Variants in PCDHGA9 observed in about 807,000 individuals in gnomAD.
The protein encoded by PCDHGA9 is protocadherin gamma subfamily A, 9.
Under a neutral mutation model 62.5 loss-of-function variants are expected in PCDHGA9, and 37 were observed. That is an observed-to-expected ratio of 0.59 (90% confidence interval 0.46 to 0.78). PCDHGA9 has a LOEUF of 0.78. Among genes scored for constraint, PCDHGA9 ranks in the 30% least tolerant of loss-of-function variants. The pLI, the probability that PCDHGA9 is intolerant of heterozygous loss-of-function variation, is 0.00. For synonymous variants in PCDHGA9, 459 were observed against 484.6 expected (o/e 0.95, Z 0.69); for missense variants, 1,138 against 1,166.2 (o/e 0.98, Z 0.35).
At position 141,485,396 on chromosome 5, in the gene PCDHGA9, T is replaced by C. The variant is rs1466959644; in HGVS notation, c.2425-9411T>C. 2.5e-6 allele frequency: 4 copies of C among 1,614,042 alleles called. No homozygotes were observed. Among genetic ancestry groups the C allele is most frequent in the Non-Finnish European group, 3.4e-6 (4 of 1,179,960 alleles). On this transcript the variant is annotated intron_variant, in intron 1 of 3. Coordinates refer to ENST00000573521, the MANE Select transcript of PCDHGA9 (RefSeq NM_018921.3). The surrounding 1 kb of genome is among the most constrained non-coding windows in gnomAD (Gnocchi z 5.7). ...CGCTGGAGAGGTGAACCAAAGACAC[T>C]TCCGTGTGGATTTGGACAGCGGAGC...
At chr5:141,433,818 C>A (rs1286718725) in intron 1 of PCDHGA9, among the ~76,000 whole-genome samples, 7 of 133,614 alleles carry the variant, frequency 5.2e-5, no homozygotes, top group African/African-American at 5.8e-5. Flanking sequence ...GCCTGGGCAA[C>A]AAGAGTGAAA....
In PCDHGA9 at chr5:141,486,369, C is replaced by T; in HGVS notation, c.2425-8438C>T. 8 of 1,614,128 alleles carry T rather than the reference C, an allele frequency of 5.0e-6. No homozygotes were observed. The highest frequency in any genetic ancestry group is 6.8e-6 in the Non-Finnish European group (8 of 1,179,996). On this transcript the variant is annotated intron_variant, in intron 1 of 3. Coordinates refer to ENST00000573521, the MANE Select transcript of PCDHGA9 (RefSeq NM_018921.3). The surrounding 1 kb of genome is among the most constrained non-coding windows in gnomAD (Gnocchi z 5.0). ...GACCACTTGCCATTTGCCCTCAAGT[C>T]TGCCTTCAGGAACCAGTTCTCCCTG...
Position 141,404,176 on chromosome 5 carries a change from A to C in PCDHGA9, c.1224A>C (p.Gln408His), listed in dbSNP as rs763166170. Reference protein sequence around the residue: ...EEDYYRLLTAQILDREKASEY... With the variant: ...EEDYYRLLTAHILDREKASEY... ...ATTATTACAGATTGTTGACGGCCCAAATTCTTGACCGAGAAAAAGCCTCAG... is the reference window on the plus strand; with the variant it reads ...ATTATTACAGATTGTTGACGGCCCACATTCTTGACCGAGAAAAAGCCTCAG... Residue 408 changes from glutamine (Q) to histidine (H), a missense_variant, in exon 1 of 4, where the codon CAA becomes CAC. By Grantham distance (24) the Gln-to-His change is conservative. Coordinates refer to ENST00000573521, the MANE Select transcript of PCDHGA9 (RefSeq NM_018921.3). 1.2e-6 allele frequency: 2 copies of C among 1,613,206 alleles called. No individual in the cohort carries two copies. The highest frequency in any genetic ancestry group is 2.7e-5 in the African/African-American group (2 of 74,882).
intron 1 of PCDHGA9, among the ~76,000 whole-genome samples, chr5:141,484,138 G>A (rs184277779): frequency 6.6e-6 from 1 of 152,244 alleles, no homozygotes; most frequent in Admixed American, 6.5e-5. Context: ...TCAGATAAAG[G>A]GAATTTGTAG....
In PCDHGA9 at chr5:141,476,343, T is replaced by A; in HGVS notation, c.2425-18464T>A. 1 of 1,614,012 alleles carries A rather than the reference T, an allele frequency of 6.2e-7. No individual in the cohort carries two copies. The highest frequency in any genetic ancestry group is 1.3e-5 in the African/African-American group (1 of 74,984). ...GTGGTGTCTGGAGCTAGCCGAAGAT[T>A]CTTTGAGGTGAACCGGGAGACCGGA... On this transcript the variant is annotated intron_variant, in intron 1 of 3. Transcript: ENST00000573521. This position sits in a 1 kb window ranked among gnomAD's most constrained non-coding sequence, Gnocchi z 7.6.
At position 141,432,987 on chromosome 5, in the gene PCDHGA9, T is replaced by C. The variant is rs1259121931; in HGVS notation, c.2424+27611T>C. ...GCGCCGGCGTCGCACTTTGTGGGCGTGGACGGGGTGCAGGCTTTCCTGCAG... is the reference window on the plus strand; with the variant it reads ...GCGCCGGCGTCGCACTTTGTGGGCGCGGACGGGGTGCAGGCTTTCCTGCAG... On this transcript the variant is annotated intron_variant, in intron 1 of 3. Coordinates refer to ENST00000573521, the MANE Select transcript of PCDHGA9 (RefSeq NM_018921.3). The surrounding 1 kb of genome is among the most constrained non-coding windows in gnomAD (Gnocchi z 6.0). The C allele has an allele frequency of 3.7e-6, 6 of 1,614,174 alleles. No individual in the cohort carries two copies. Among genetic ancestry groups the C allele is most frequent in the Non-Finnish European group, 5.1e-6 (6 of 1,180,032 alleles).
chr5:141,407,317 T>G (rs1268885358), intron 1 of PCDHGA9, among the ~76,000 whole-genome samples: 1 of 152,198 alleles, frequency 6.6e-6, no homozygotes, highest in Non-Finnish European at 1.5e-5. Flanking sequence ...TCATACTTAG[T>G]ATTTATAAAT....
chr5:141,492,546 G>A (rs2154587552), intron 1 of PCDHGA9, among the ~76,000 whole-genome samples: 1 of 152,336 alleles, frequency 6.6e-6, no homozygotes, highest in East Asian at 1.9e-4. Flanking sequence ...GCTGGGCCGG[G>A]TCGCCTGGGG....
intron 1 of PCDHGA9, chr5:141,420,344 T>G (rs2096490860): frequency 2.2e-6 from 3 of 1,394,808 alleles, no homozygotes; most frequent in African/African-American, 1.5e-5. Flanking sequence ...TATAGTGGTA[T>G]TATTTTAAGA....
Position 141,477,388 on chromosome 5 carries a change from C to T in PCDHGA9, c.2425-17419C>T. The T allele has an allele frequency of 6.2e-7, 1 of 1,614,136 alleles. No homozygotes were observed. The highest frequency in any genetic ancestry group is 8.5e-7 in the Non-Finnish European group (1 of 1,180,014). On this transcript the variant is annotated intron_variant, in intron 1 of 3. Transcript: ENST00000573521. The surrounding 1 kb of genome is among the most constrained non-coding windows in gnomAD (Gnocchi z 4.9). Reference sequence around the variant, plus strand: ...ATCGGGAGACTGTGCCAGAATACAACCTCAGCATCACCGCCCGAGACGCCG... The same window carrying T: ...ATCGGGAGACTGTGCCAGAATACAATCTCAGCATCACCGCCCGAGACGCCG...
intron 2 of PCDHGA9, among the ~76,000 whole-genome samples, chr5:141,496,955 G>T (rs2099772887): frequency 6.6e-6 from 1 of 152,006 alleles, no homozygotes; most frequent in African/African-American, 2.4e-5. Context: ...GGAGGCCAAG[G>T]TGGGTAGATC....
chr5:141,495,833 G>A (rs559689667), intron 2 of PCDHGA9, among the ~76,000 whole-genome samples: 3 of 151,876 alleles, frequency 2.0e-5, no homozygotes, highest in African/African-American at 4.8e-5. Context: ...TCTATCCCCA[G>A]CCTCTATGTT....
chr5:141,490,589 A>G lies in PCDHGA9; in HGVS notation c.2425-4218A>G, dbSNP rs761250654. On this transcript the variant is annotated intron_variant, in intron 1 of 3. Transcript: ENST00000573521. The surrounding 1 kb of genome is among the most constrained non-coding windows in gnomAD (Gnocchi z 5.4). ...CTCAACATTTCAGATGTCAATGACA[A>G]TGCACCCCGCTTCAACCAGCAGCTT... The G allele has an allele frequency of 5.7e-5, 92 of 1,614,042 alleles. No individual in the cohort carries two copies. Among genetic ancestry groups the G allele is most frequent in the Non-Finnish European group, 7.6e-5 (90 of 1,180,036 alleles).
rs980172909 is a variant in PCDHGA9, at chr5:141,485,917, G to A, written c.2425-8890G>A. On this transcript the variant is annotated intron_variant, in intron 1 of 3. Transcript: ENST00000573521. The surrounding 1 kb of genome is among the most constrained non-coding windows in gnomAD (Gnocchi z 5.7). ...CAGCCTTCCAGCAATCCAGCTACAGGATTAGTGTGTTGGAGAGCGCACCAG... is the reference window on the plus strand; with the variant it reads ...CAGCCTTCCAGCAATCCAGCTACAGAATTAGTGTGTTGGAGAGCGCACCAG... The A allele has an allele frequency of 2.6e-5, 42 of 1,614,078 alleles. No homozygotes were observed. Among genetic ancestry groups the A allele is most frequent in the Non-Finnish European group, 3.5e-5 (41 of 1,180,050 alleles).
intron 1 of PCDHGA9, among the ~76,000 whole-genome samples, chr5:141,444,503 T>C (rs2098438734): frequency 6.6e-6 from 1 of 152,088 alleles, no homozygotes; most frequent in Non-Finnish European, 1.5e-5. Flanking sequence ...AATACTTTGC[T>C]CTAGCAGTAT....
At chr5:141,465,767 T>A (rs1427458413) in intron 1 of PCDHGA9, among the ~76,000 whole-genome samples, 1 of 152,016 alleles carries the variant, frequency 6.6e-6, no homozygotes, top group Non-Finnish European at 1.5e-5. Context: ...TCATGTTTCA[T>A]CTCTTGTTAC....
chr5:141,418,153 G>A (rs1561771797), intron 1 of PCDHGA9: 2 of 1,614,086 alleles, frequency 1.2e-6, no homozygotes, highest in East Asian at 2.2e-5. Context: ...TATGCAAAGA[G>A]AGAAGAAGAT....
At chr5:141,462,043 G>C (rs1310987622) in intron 1 of PCDHGA9, among the ~76,000 whole-genome samples, 1 of 152,100 alleles carries the variant, frequency 6.6e-6, no homozygotes, top group Non-Finnish European at 1.5e-5. Flanking sequence ...GGCGGGTCTT[G>C]AACTCCCGAC....
rs61612330 is a variant in PCDHGA9 at position 141,454,796 on chromosome 5, A to ATTTTTTTTTTTTTTTTTTTTTTTTT, written c.2425-40006_2425-39982dup. ...AAGGAAATAATCCTCCATGGTTCTA[A>ATTTTTTTTTTTTTTTTTTTTTTTTT]TTTTTTTTTTTTTTTTTTTTTTTTT... On this transcript the variant is annotated intron_variant, in intron 1 of 3. Coordinates refer to ENST00000573521, the MANE Select transcript of PCDHGA9 (RefSeq NM_018921.3). Among the ~76,000 whole-genome samples, 7 of 77,408 alleles carry ATTTTTTTTTTTTTTTTTTTTTTTTT rather than the reference A, an allele frequency of 9.0e-5. 1 individual carries two copies. Among genetic ancestry groups the ATTTTTTTTTTTTTTTTTTTTTTTTT allele is most frequent in the East Asian group, 4.0e-4 (1 of 2,514 alleles). 50.8% of individuals were successfully genotyped at this position (77,408 alleles called of 152,430 possible). A position where few individuals can be genotyped will look rare whatever the true frequency, so the allele number is the denominator to read the frequency against.
Sources: gnomAD v4.1 joint callset for allele counts (sites outside exome capture counted in the v4.1 genomes callset) on GRCh38, gnomAD v4.1.1 for gene constraint, Gnocchi (gnomAD v3.1) non-coding constraint, MANE v1.5 for transcripts, NCBI Gene and HGNC (gene_info 2026-07-23, HGNC 2026-07-21) for gene names.